The following OSBPL6 variants were observed in gnomAD, a reference collection of about 807,000 sequenced individuals.
OSBPL6 encodes the protein oxysterol-binding protein-related protein 6.
OSBPL6 carries 49 observed loss-of-function variants against 125.8 expected under a neutral mutation model. That is an observed-to-expected ratio of 0.39 (90% confidence interval 0.31 to 0.49). The LOEUF (loss-of-function observed/expected upper bound fraction) is 0.49. Ranked by LOEUF, OSBPL6 falls within the 20% of genes least tolerant of loss-of-function variation. The pLI is 0.88. For missense variants in OSBPL6, 986 were observed against 1,135.4 expected, an observed-to-expected ratio of 0.87 and a Z score of 1.89; for synonymous variants, 394 against 391.8, an observed-to-expected ratio of 1.01 and a Z score of -0.07.
chr2:178,377,160 G>A (rs954474328), intron 15 of OSBPL6, among the ~76,000 whole-genome samples: 16 of 152,178 alleles, frequency 1.1e-4, no homozygotes, highest in Admixed American at 9.2e-4. Flanking sequence ...GGTTTCATTG[G>A]CTCATGGTTC....
rs147194418 is a variant in OSBPL6 at position 178,383,190 on chromosome 2, C to T, written c.1788C>T (p.Leu596=). ...TGCCTGTGGAGCTAAACGAGCCGCT[C>T]AACACCCTGCAGCACCTCTGTGAGG... The part of the protein sequence containing the change: ...VSMPVELNEP[L]NTLQHLCEEM... Residue 596 remains leucine (L), a synonymous_variant, in exon 17 of 25, where the codon CTC becomes CTT. Coordinates refer to ENST00000190611, the MANE Select transcript of OSBPL6 (RefSeq NM_032523.4). The T allele has an allele frequency of 3.1e-6, 5 of 1,614,076 alleles. No homozygotes were observed. The Admixed American group carries it at 5.0e-5, about 16-fold the overall frequency.
At chr2:178,345,523 A>T (rs1690612644) in intron 11 of OSBPL6, among the ~76,000 whole-genome samples, 1 of 152,250 alleles carries the variant, frequency 6.6e-6, no homozygotes, top group African/African-American at 2.4e-5. Context: ...TTGAACAAAC[A>T]AATTATTGAA....
intron 3 of OSBPL6, among the ~76,000 whole-genome samples, chr2:178,321,883 T>C (rs926060841): frequency 6.6e-6 from 1 of 152,252 alleles, no homozygotes; most frequent in Non-Finnish European, 1.5e-5. Context: ...ACTTCTTATT[T>C]TTCTTCCATA....
intron 1 of OSBPL6, among the ~76,000 whole-genome samples, chr2:178,265,034 A>AT (rs796468758): frequency 0.014 from 2,054 of 142,408 alleles, 44 homozygotes; most frequent in African/African-American, 0.05. Context: ...GTACTGGCTG[A>AT]TTTTTTTTTT....
chr2:178,385,625 C>A, intron 19 of OSBPL6, 104 bp downstream of exon 19: 1 of 875,708 alleles, frequency 1.1e-6, no homozygotes, highest in Non-Finnish European at 1.8e-6. Flanking sequence ...ACCTTTGGAA[C>A]TCAGCAAATG....
chr2:178,369,565 T>G (rs1462476508), intron 13 of OSBPL6, among the ~76,000 whole-genome samples: 1 of 152,204 alleles, frequency 6.6e-6, no homozygotes, highest in Non-Finnish European at 1.5e-5. Flanking sequence ...GAGAACCTGA[T>G]CTTCTGACTC....
In OSBPL6 at chr2:178,336,311, A is replaced by G. The variant is rs1450396818; in HGVS notation, c.668A>G (p.Asn223Ser). 3.7e-6 allele frequency: 6 copies of G among 1,613,684 alleles called. No homozygotes were observed. Among genetic ancestry groups the G allele is most frequent in the African/African-American group, 1.3e-5 (1 of 74,894 alleles). Residue 223 changes from asparagine to serine, a missense_variant, in exon 9 of 25, where the codon AAC becomes AGC. Around this residue, in one of 3 missense-constraint regions of OSBPL6, gnomAD observed 843 missense variants for 997.3 expected, o/e 0.85. Coordinates refer to ENST00000190611, the MANE Select transcript of OSBPL6 (RefSeq NM_032523.4). ...CTTTGTTTGCCGTAGATGCAACCAAACAGCTTTCCGTGGCAGTCCCCTTTA... is the reference window on the plus strand; with the variant it reads ...CTTTGTTTGCCGTAGATGCAACCAAGCAGCTTTCCGTGGCAGTCCCCTTTA... ...VSVMDGKMQPNSFPWQSPLPC... is the reference protein window; with the variant it reads ...VSVMDGKMQPSSFPWQSPLPC...
chr2:178,286,223 G>A (rs1684682714), intron 2 of OSBPL6, among the ~76,000 whole-genome samples: 1 of 152,082 alleles, frequency 6.6e-6, no homozygotes, highest in Non-Finnish European at 1.5e-5. Context: ...GGTTTCTCTT[G>A]GAAGATTAAA....
At chr2:178,230,932 C>A (rs924163125) in intron 1 of OSBPL6, among the ~76,000 whole-genome samples, 3 of 152,120 alleles carry the variant, frequency 2.0e-5, no homozygotes, top group African/African-American at 7.2e-5. Context: ...CATAGATATA[C>A]ATTTCTACCC....
At chr2:178,226,919 G>A (rs551103997) in intron 1 of OSBPL6, among the ~76,000 whole-genome samples, 1 of 152,242 alleles carries the variant, frequency 6.6e-6, no homozygotes, top group African/African-American at 2.4e-5. Context: ...ATCTAAAGAG[G>A]CCTTATTGAA....
chr2:178,341,047 G>A (rs529920093), intron 11 of OSBPL6, among the ~76,000 whole-genome samples: 62 of 152,202 alleles, frequency 4.1e-4, no homozygotes, highest in Admixed American at 5.2e-4. Context: ...ACTTAAAATT[G>A]CTTTTGGCAG....
rs1693753630 is a variant in OSBPL6, at chr2:178,375,254, G to A, written c.1533+1227G>A. Among the ~76,000 whole-genome samples the A allele has an allele frequency of 1.3e-5, 2 of 152,086 alleles. 1 individual carries two copies. The highest frequency in any genetic ancestry group is 4.8e-5 in the African/African-American group (2 of 41,402). ...GCTCCATACTCACCCTCCATCATAGGGATACTCTGGCACAAGGACTTGGTA... is the reference window on the plus strand; with the variant it reads ...GCTCCATACTCACCCTCCATCATAGAGATACTCTGGCACAAGGACTTGGTA... On this transcript the variant is annotated intron_variant, in intron 15 of 24. Transcript: ENST00000190611.
chr2:178,242,453 A>G (rs1319923777), intron 1 of OSBPL6, among the ~76,000 whole-genome samples: 1 of 152,142 alleles, frequency 6.6e-6, no homozygotes, highest in Non-Finnish European at 1.5e-5. Context: ...GAATCAGCAG[A>G]TGTGGATGAC....
intron 1 of OSBPL6, among the ~76,000 whole-genome samples, chr2:178,247,940 T>A (rs2091552328): frequency 6.6e-6 from 1 of 152,220 alleles, no homozygotes; most frequent in Non-Finnish European, 1.5e-5. Context: ...TCTCTGTCCC[T>A]AAGAATGCTG....
At chr2:178,380,456 C>CA (rs60399092) in intron 15 of OSBPL6, among the ~76,000 whole-genome samples, 9,054 of 25,914 alleles carry the variant, frequency 0.35, 3,071 homozygotes, top group Non-Finnish European at 0.41. Flanking sequence ...GAGTCTGTCT[C>CA]AAAAAAAAAA....
At chr2:178,196,296 T>A (rs974465569) in intron 1 of OSBPL6, among the ~76,000 whole-genome samples, 2 of 151,736 alleles carry the variant, frequency 1.3e-5, no homozygotes, top group African/African-American at 4.9e-5. Context: ...GGAGTTCATA[T>A]ATTTTTTCCC....
intron 5 of OSBPL6, among the ~76,000 whole-genome samples, chr2:178,329,689 T>C (rs1449335688): frequency 2.0e-5 from 3 of 152,106 alleles, no homozygotes; most frequent in Non-Finnish European, 4.4e-5. Context: ...CCTCCCAAAG[T>C]GCTGGGATTA....
At chr2:178,317,644 A>G (rs1341056072) in intron 3 of OSBPL6, among the ~76,000 whole-genome samples, 1 of 151,294 alleles carries the variant, frequency 6.6e-6, no homozygotes, top group African/African-American at 2.4e-5. Context: ...TATATGAATG[A>G]TATGCTCTCA....
In OSBPL6 at chr2:178,324,020, T is replaced by G. The variant is rs559922074; in HGVS notation, c.103-157T>G. 1.2e-4 allele frequency among the ~76,000 whole-genome samples: 18 copies of G among 152,306 alleles called. No homozygotes were observed. In the East Asian group the frequency reaches 3.5e-3, roughly 29 times the overall value. On this transcript the variant is annotated intron_variant, in intron 3 of 24. Coordinates refer to ENST00000190611, the MANE Select transcript of OSBPL6 (RefSeq NM_032523.4). ...AGGGGAAAATCCTGTGCCGACATAT[T>G]TTTCTGTCTGTTGCTGCTATCTTTG...
Sources: gnomAD v4.1 joint callset for allele counts (sites outside exome capture counted in the v4.1 genomes callset) on GRCh38, gnomAD v4.1.1 for gene constraint, gnomAD v4.1.1 regional missense constraint, MANE v1.5 for transcripts, NCBI Gene and HGNC (gene_info 2026-07-23, HGNC 2026-07-21) for gene names.